ATAD2: variants seen among roughly 807,000 people sequenced by gnomAD.
ATAD2 encodes ATPase family AAA domain-containing protein 2.
Under a neutral mutation model 168.9 loss-of-function variants are expected in ATAD2, and 62 were observed. The observed-to-expected ratio is 0.37, with a 90% CI of 0.30 to 0.45. The LOEUF is 0.45. Ranked by LOEUF, ATAD2 falls within the 20% of genes least tolerant of loss-of-function variation. The pLI, the probability that ATAD2 is intolerant of heterozygous loss-of-function variation, is 1.00. For missense variants in ATAD2, 1,419 were observed against 1,667.8 expected, an observed-to-expected ratio of 0.85 and a Z score of 2.60; for synonymous variants, 613 against 571.6, an observed-to-expected ratio of 1.07 and a Z score of -1.03.
At position 123,349,360 on chromosome 8, in the gene ATAD2, T is replaced by C; in HGVS notation, c.1731A>G (p.Leu577=). ...EIVVIGATNR[L]DSIDPALRRP... Reference sequence around the variant, plus strand: ...TTCGTAAAGCAGGATCTATAGAATCTAGCCTGTTCGTAGCACCAATGACCA... The same window carrying C: ...TTCGTAAAGCAGGATCTATAGAATCCAGCCTGTTCGTAGCACCAATGACCA... Residue 577 remains leucine, a synonymous_variant, in exon 14 of 28, where the codon CTA becomes CTG. Transcript: ENST00000287394. 3 of 1,614,128 alleles carry C rather than the reference T, an allele frequency of 1.9e-6. No homozygotes were observed. Among genetic ancestry groups the C allele is most frequent in the Non-Finnish European group, 1.7e-6 (2 of 1,179,990 alleles).
intron 1 of ATAD2, chr8:123,380,943 A>T (rs376726374): frequency 5.7e-5 from 21 of 367,210 alleles, no homozygotes; most frequent in Admixed American, 4.0e-4. Context: ...TATAAAAAGT[A>T]GTCTAGAGAG....
Position 123,325,889 on chromosome 8 carries a change from A to G in ATAD2, c.4002+4T>C. ...TAAAAGCATTATGATTTCAATTTAC[A>G]TACTTTTAATCGCTCATGATCCACA... On this transcript the variant is annotated splice_donor_region_variant and intron_variant, in intron 26 of 27. Transcript: ENST00000287394. 1 of 1,613,690 alleles carries G rather than the reference A, an allele frequency of 6.2e-7. No homozygotes were observed. The highest frequency in any genetic ancestry group is 8.5e-7 in the Non-Finnish European group (1 of 1,179,850).
upstream of ATAD2, chr8:123,400,514 C>T (rs1427084078): frequency 1.8e-5 from 7 of 393,766 alleles, no homozygotes; most frequent in South Asian, 4.0e-5. This position sits in a 1 kb window ranked among gnomAD's most constrained non-coding sequence, Gnocchi z 4.5. Context: ...AAAAAAATAG[C>T]CTGCCCTGGC....
chr8:123,389,960 TTATATATA>T (rs386360951), intron 1 of ATAD2, among the ~76,000 whole-genome samples: 5 of 94,050 alleles, frequency 5.3e-5, no homozygotes, highest in South Asian at 4.4e-4. Context: ...TACTATTATT[TTATATATA>T]TATATATATA....
rs777985627 is a variant in ATAD2 at position 123,334,006 on chromosome 8, T to C, written c.3350A>G (p.Lys1117Arg). ...CACATGGTAGTAAGACGGGGCATAT[T>C]TGGAGGAGCTACAACCTTATAAATA... Reference protein sequence around the residue: ...SRKKRGCSSSKYAPSYYHVMP... With the variant: ...SRKKRGCSSSRYAPSYYHVMP... Residue 1117 changes from lysine (K) to arginine (R), a missense_variant, in exon 24 of 28, where the codon AAA (lysine) becomes AGA (arginine). This residue lies in a region of ATAD2 where 545 missense variants were observed against 724.9 expected (regional missense o/e 0.75). Transcript: ENST00000287394. 10 of 1,613,910 alleles carry C rather than the reference T, an allele frequency of 6.2e-6. No homozygotes were observed. In the East Asian group the frequency reaches 1.3e-4, roughly 22 times the overall value.
At position 123,389,984 on chromosome 8, in the gene ATAD2, A is replaced by ATAT. The variant is rs1232318597; in HGVS notation, c.171+6202_171+6203insATA. On this transcript the variant is annotated intron_variant, in intron 1 of 27. Transcript: ENST00000287394. ...TTTATATATATATATATATATATAT[A>ATAT]TTTTTTTTTTTTTAGACAGAGTCTT... 5.9e-4 allele frequency among the ~76,000 whole-genome samples: 68 copies of ATAT among 115,136 alleles called. 3 individuals carry two copies. Among genetic ancestry groups the ATAT allele is most frequent in the Admixed American group, 1.2e-3 (14 of 11,510 alleles). The allele number at this position is 115,136 out of a possible 152,430, so 75.5% of individuals were successfully genotyped here.
At chr8:123,350,633 G>T (rs1199982174) in intron 13 of ATAD2, among the ~76,000 whole-genome samples, 1 of 152,092 alleles carries the variant, frequency 6.6e-6, no homozygotes, top group Non-Finnish European at 1.5e-5. Context: ...CCCACGTTCT[G>T]GACTGGGCTG....
Position 123,370,041 on chromosome 8 carries a change from C to T in ATAD2, c.728-17G>A. On this transcript the variant is annotated splice_polypyrimidine_tract_variant and intron_variant, in intron 6 of 27. Transcript: ENST00000287394. ...CAGATGACTCTACAATTAAGAGATC[C>T]TTACTTCCAGAAAGATACTCAGCAA... The T allele has an allele frequency of 6.3e-7, 1 of 1,594,990 alleles. No homozygotes were observed. Among genetic ancestry groups the T allele is most frequent in the Non-Finnish European group, 8.5e-7 (1 of 1,169,754 alleles).
At chr8:123,335,204 G>A (rs1320562512) in intron 22 of ATAD2, among the ~76,000 whole-genome samples, 2 of 152,210 alleles carry the variant, frequency 1.3e-5, no homozygotes, top group African/African-American at 2.4e-5. Flanking sequence ...AAAGGGAGCA[G>A]CAGCAACAGC....
chr8:123,345,972 A>T, intron 18 of ATAD2, 114 bp downstream of exon 18: 2 of 846,276 alleles, frequency 2.4e-6, no homozygotes. Flanking sequence ...CTGTTTTGTA[A>T]ACCTAAAGTT....
intron 1 of ATAD2, among the ~76,000 whole-genome samples, chr8:123,406,900 T>C (rs1475100289): frequency 6.6e-6 from 1 of 151,840 alleles, no homozygotes; most frequent in East Asian, 1.9e-4. Context: ...ATAAAGGATA[T>C]AAACCTCCCC....
At chr8:123,321,794 G>A (rs1827474714) in intron 27 of ATAD2, among the ~76,000 whole-genome samples, 1 of 152,050 alleles carries the variant, frequency 6.6e-6, no homozygotes, top group Admixed American at 6.5e-5. Flanking sequence ...AATTAGCCCA[G>A]TGTGGTGGTG....
At chr8:123,407,557 C>G (rs1653847002) in intron 1 of ATAD2, among the ~76,000 whole-genome samples, 1 of 151,610 alleles carries the variant, frequency 6.6e-6, no homozygotes, top group African/African-American at 2.4e-5. Context: ...AACCCCATCT[C>G]TACTAAAAAT....
Position 123,402,029 on chromosome 8 carries a change from A to G in ATAD2, c.-2281-854T>C. On this transcript the variant is annotated intron_variant, in intron 1 of 28. Coordinates refer to the ATAD2 transcript ENST00000521903. This position sits in a 1 kb window ranked among gnomAD's most constrained non-coding sequence, Gnocchi z 4.8. The stretch of plus-strand genomic sequence containing the variant: ...GTCCATGATGTACTCAGGAGAGCTC[A>G]AGTTTGAGAAGCGTACCATGTCGGC... 1 of 1,501,480 alleles carries G rather than the reference A, an allele frequency of 6.7e-7. No individual in the cohort carries two copies. The highest frequency in any genetic ancestry group is 9.2e-7 in the Non-Finnish European group (1 of 1,082,452). 93.0% of individuals were successfully genotyped at this position (1,501,480 alleles called of 1,614,324 possible). A position where few individuals can be genotyped will look rare whatever the true frequency, so the allele number is the denominator to read the frequency against.
chr8:123,359,750 G>A (rs1828756276), intron 9 of ATAD2, 65 bp from the exon 10 acceptor site: 3 of 1,067,678 alleles, frequency 2.8e-6, no homozygotes, highest in Non-Finnish European at 4.1e-6. Context: ...CAAATTCCAT[G>A]TTTGAATATA....
chr8:123,346,633 A>C lies in ATAD2; in HGVS notation c.2330T>G (p.Phe777Cys), dbSNP rs1480492888. 2 of 1,562,018 alleles carry C rather than the reference A, an allele frequency of 1.3e-6. No homozygotes were observed. Among genetic ancestry groups the C allele is most frequent in the East Asian group, 2.3e-5 (1 of 43,688 alleles). Residue 777 changes from phenylalanine to cysteine, a missense_variant, in exon 17 of 28, where the codon TTT (phenylalanine) becomes TGT (cysteine). Around this residue, in one of 5 missense-constraint regions of ATAD2, gnomAD observed 545 missense variants for 724.9 expected, o/e 0.75. Coordinates refer to ENST00000287394, the MANE Select transcript of ATAD2 (RefSeq NM_014109.4). Reference protein sequence around the residue: ...SSHKAKDNFNFLHLNRNACYQ... With the variant: ...SSHKAKDNFNCLHLNRNACYQ... The stretch of plus-strand genomic sequence containing the variant: ...AAAAATATACCTATTCAAATGAAGA[A>C]AATTAAAATTGTCTTTTGCCTTATG...
chr8:123,340,754 G>A (rs1422822957), intron 19 of ATAD2, among the ~76,000 whole-genome samples: 2 of 152,124 alleles, frequency 1.3e-5, no homozygotes, highest in African/African-American at 4.8e-5. Context: ...AAATAATTCA[G>A]AGCCAAATTA....
intron 1 of ATAD2, among the ~76,000 whole-genome samples, chr8:123,404,713 C>T (rs1201501246): frequency 2.6e-5 from 4 of 151,886 alleles, no homozygotes; most frequent in African/African-American, 9.7e-5. Flanking sequence ...ATTACAGGCG[C>T]CCGCCACCAC....
chr8:123,344,867 C>A lies in ATAD2; in HGVS notation c.2718+17G>T. 1 of 1,611,120 alleles carries A rather than the reference C, an allele frequency of 6.2e-7. No homozygotes were observed. The highest frequency in any genetic ancestry group is 1.1e-5 in the South Asian group (1 of 90,958). ...ACTCTTTTTGAAAGTATAATGATAC[C>A]GCCCCACATAAATTACCTCTTCTGG... is the stretch of plus-strand genomic sequence containing the variant. On this transcript the variant is annotated intron_variant, in intron 19 of 27. Coordinates refer to ENST00000287394, the MANE Select transcript of ATAD2 (RefSeq NM_014109.4).
Sources: allele counts gnomAD v4.1 joint callset (sites outside exome capture counted in the v4.1 genomes callset), GRCh38; gene constraint gnomAD v4.1.1; regional missense constraint gnomAD v4.1.1; non-coding constraint Gnocchi (gnomAD v3.1); transcripts MANE v1.5; gene names NCBI Gene and HGNC (gene_info 2026-07-23, HGNC 2026-07-21).